SLC38A6: variants seen among roughly 807,000 people sequenced by gnomAD.
SLC38A6 encodes the protein solute carrier family 38 member 6.
A neutral mutation model predicts 65.0 loss-of-function variants in SLC38A6; 73 were observed. The ratio of observed to expected loss-of-function variants is 1.12; its 90% confidence interval spans 0.93 to 1.37. The LOEUF (loss-of-function observed/expected upper bound fraction) is 1.37. Ranked by LOEUF, SLC38A6 falls within the 40% of genes most tolerant of loss-of-function variation. The pLI is 0.00. For synonymous variants in SLC38A6, 183 were observed against 178.8 expected (o/e 1.02, Z -0.19); for missense variants, 561 against 531.1 (o/e 1.06, Z -0.55).
At chr14:61,082,757 T>G (rs962855811) in intron 16 of SLC38A6, among the ~76,000 whole-genome samples, 1 of 152,136 alleles carries the variant, frequency 6.6e-6, no homozygotes, top group Non-Finnish European at 1.5e-5. Context: ...ACTGCAGGGA[T>G]CATGCCTCTG....
At chr14:61,013,845 T>C (rs1353111288) in intron 3 of SLC38A6, among the ~76,000 whole-genome samples, 1 of 152,202 alleles carries the variant, frequency 6.6e-6, no homozygotes, top group Non-Finnish European at 1.5e-5. Flanking sequence ...CTTTGGTGAA[T>C]CTGACAATTA....
chr14:61,015,310 C>T lies in SLC38A6; in HGVS notation c.311-594C>T, dbSNP rs55702298. On this transcript the variant is annotated intron_variant, in intron 3 of 15. Coordinates refer to ENST00000267488, the MANE Select transcript of SLC38A6 (RefSeq NM_153811.3). ...CTTTCTTTGACTAGGAAAGGGAATT[C>T]CCTGACCCCTTGCACTTCCCAGGTG... 1.5e-3 allele frequency among the ~76,000 whole-genome samples: 221 copies of T among 152,250 alleles called. 1 individual carries two copies. Among genetic ancestry groups the T allele is most frequent in the Non-Finnish European group, 1.9e-3 (128 of 68,000 alleles).
Position 61,037,044 on chromosome 14 carries a change from CT to C in SLC38A6, c.483-8del, listed in dbSNP as rs754287921. 3 of 1,485,170 alleles carry C rather than the reference CT, an allele frequency of 2.0e-6. No homozygotes were observed. In the Admixed American group the frequency reaches 5.3e-5, roughly 26 times the overall value. 92.0% of individuals were successfully genotyped at this position (1,485,170 alleles called of 1,614,324 possible). A position where few individuals can be genotyped will look rare whatever the true frequency, so the allele number is the denominator to read the frequency against. ...CTGGAGTCCCATGCCTAAAGTAGAA[CT>C]TTTTTTATAATAGATATTGGTATCT... On this transcript the variant is annotated splice_polypyrimidine_tract_variant and intron_variant, in intron 6 of 15. Transcript: ENST00000267488.
intron 3 of SLC38A6, 98 bp downstream of exon 3, chr14:60,984,901 C>T: frequency 8.6e-7 from 1 of 1,165,918 alleles, no homozygotes. Context: ...ATCCAGTGAG[C>T]ATACATTTTT....
At chr14:61,015,150 C>T (rs770362672) in intron 3 of SLC38A6, among the ~76,000 whole-genome samples, 3 of 152,164 alleles carry the variant, frequency 2.0e-5, no homozygotes, top group Non-Finnish European at 2.9e-5. Context: ...TAGCAATGAG[C>T]GAGGCTCCGT....
chr14:61,036,972 G>A lies in SLC38A6; in HGVS notation c.483-87G>A, dbSNP rs186237938. The A allele has an allele frequency of 2.1e-4, 140 of 657,542 alleles. No homozygotes were observed. The African/African-American group carries it at 2.4e-3, about 11-fold the overall frequency. The allele number at this position is 657,542 out of a possible 1,614,324, so 40.7% of individuals were successfully genotyped here. On this transcript the variant is annotated intron_variant, in intron 6 of 15. Coordinates refer to ENST00000267488, the MANE Select transcript of SLC38A6 (RefSeq NM_153811.3). ...AATGGTTATAACTCTGTGTGTGTGT[G>A]TGTGTGTGTGTGTGTGTGTGTGTGT... is the stretch of plus-strand genomic sequence containing the variant.
rs538766318 is a variant in SLC38A6, at chr14:61,047,513, GTT to G, written c.925+1349_925+1350del. 1.1e-3 allele frequency among the ~76,000 whole-genome samples: 169 copies of G among 152,228 alleles called. 1 individual carries two copies. The highest frequency in any genetic ancestry group is 3.4e-3 in the Middle Eastern group (1 of 294). ...ATAGTGGAATTGGGATTTGAATCTA[GTT>G]TTGTCTCTCTCCAAAGCCAATGCCT... is the stretch of plus-strand genomic sequence containing the variant. On this transcript the variant is annotated intron_variant, in intron 12 of 15. Transcript: ENST00000267488.
chr14:60,999,399 C>T (rs1418104347), intron 3 of SLC38A6, among the ~76,000 whole-genome samples: 2 of 152,134 alleles, frequency 1.3e-5, no homozygotes, highest in Non-Finnish European at 2.9e-5. Flanking sequence ...GTGTGCTCCT[C>T]ATTTTTTTTC....
At chr14:61,070,461 A>G (rs768896545) in intron 15 of SLC38A6, among the ~76,000 whole-genome samples, 1 of 152,246 alleles carries the variant, frequency 6.6e-6, no homozygotes, top group African/African-American at 2.4e-5. Flanking sequence ...GAATCTGCCA[A>G]TAGACATTTA....
chr14:61,040,140 C>T (rs561985329), intron 8 of SLC38A6, among the ~76,000 whole-genome samples: 98 of 151,782 alleles, frequency 6.5e-4, no homozygotes, highest in Admixed American at 1.4e-3. Context: ...TTCTAAGCAA[C>T]GTTTTAATAC....
intron 5 of SLC38A6, among the ~76,000 whole-genome samples, chr14:61,029,587 C>A (rs1014295927): frequency 2.0e-5 from 3 of 152,078 alleles, no homozygotes; most frequent in African/African-American, 7.2e-5. Context: ...TGAATGAGTT[C>A]TGTATTCTGT....
chr14:61,003,056 T>C (rs1309317523), intron 3 of SLC38A6, among the ~76,000 whole-genome samples: 1 of 152,130 alleles, frequency 6.6e-6, no homozygotes, highest in Non-Finnish European at 1.5e-5. Context: ...GACCAAGTAG[T>C]ACTTCAATTA....
At chr14:61,078,506 T>C (rs1024960472) in intron 15 of SLC38A6, among the ~76,000 whole-genome samples, 2 of 152,152 alleles carry the variant, frequency 1.3e-5, no homozygotes, top group Middle Eastern at 3.2e-3. Context: ...GCTTGGACTT[T>C]ACATCAAGTA....
At chr14:61,016,786 A>G (rs1354622555) in intron 4 of SLC38A6, among the ~76,000 whole-genome samples, 2 of 152,206 alleles carry the variant, frequency 1.3e-5, no homozygotes, top group Admixed American at 6.5e-5. Flanking sequence ...TCGATTGACA[A>G]ATACAAATTG....
At chr14:61,083,646 C>G (rs1215757326) in exon 17 of SLC38A6, 1 of 1,550,414 alleles carries the variant, frequency 6.4e-7, no homozygotes, top group African/African-American at 1.4e-5. Context: ...GAAGAGGCCT[C>G]AGGAGAACCA....
intron 15 of SLC38A6, among the ~76,000 whole-genome samples, chr14:61,069,910 TAGAGAG>T (rs376908975): frequency 6.7e-6 from 1 of 150,160 alleles, no homozygotes; most frequent in East Asian, 1.9e-4. Flanking sequence ...ATGCCTCTCT[TAGAGAG>T]AGAGAGAGAG....
At chr14:60,981,734 G>C in intron 1 of SLC38A6, 1 of 1,302,008 alleles carries the variant, frequency 7.7e-7, no homozygotes. Context: ...AGTCTCGTGA[G>C]GTCTTTGCAA....
intron 11 of SLC38A6, 118 bp from the exon 12 acceptor site, chr14:61,045,949 A>G: frequency 1.7e-6 from 1 of 598,322 alleles, no homozygotes; most frequent in Non-Finnish European, 3.0e-6. Context: ...CTTCTAGTGT[A>G]TAGTTATTGA....
chr14:61,064,544 T>G (rs1824968233), intron 15 of SLC38A6, among the ~76,000 whole-genome samples: 1 of 149,682 alleles, frequency 6.7e-6, no homozygotes, highest in Non-Finnish European at 1.5e-5. Context: ...TATTCATTTT[T>G]ATTTTACTTT....
Sources: gnomAD v4.1 joint callset for allele counts (sites outside exome capture counted in the v4.1 genomes callset) on GRCh38, gnomAD v4.1.1 for gene constraint, MANE v1.5 for transcripts, NCBI Gene and HGNC (gene_info 2026-07-23, HGNC 2026-07-21) for gene names.